The following TMEM132E variants were observed in gnomAD, a reference collection of about 807,000 sequenced individuals.
TMEM132E encodes the protein transmembrane protein 132E.
Under a neutral mutation model 78.5 loss-of-function variants are expected in TMEM132E, and 49 were observed. The observed-to-expected ratio is 0.62, with a 90% CI of 0.50 to 0.79. The LOEUF (loss-of-function observed/expected upper bound fraction) is 0.79, where lower values mean the gene tolerates loss of function less well. TMEM132E is among the 30% of genes least tolerant of loss of function. The pLI is 0.00. For synonymous variants in TMEM132E, 715 were observed against 670.6 expected (o/e 1.07, Z -1.02); for missense variants, 1,403 against 1,470.9 (o/e 0.95, Z 0.75).
intron 2 of TMEM132E, among the ~76,000 whole-genome samples, chr17:34,627,467 C>CGTGTGCGTGTGT (rs146318983): frequency 1.6e-5 from 2 of 126,470 alleles, no homozygotes; most frequent in African/African-American, 6.0e-5. Flanking sequence ...CCAAAAGAAT[C>CGTGTGCGTGTGT]GTGTGTGTGT....
intron 6 of TMEM132E, among the ~76,000 whole-genome samples, chr17:34,634,212 A>G (rs921121742): frequency 1.3e-5 from 2 of 152,232 alleles, no homozygotes; most frequent in African/African-American, 4.8e-5. Flanking sequence ...GCACAGGCTG[A>G]GAATTTCCCA....
rs897587816 is a variant in TMEM132E, at chr17:34,623,978, G to A, written c.68-2149G>A. Among the ~76,000 whole-genome samples the A allele has an allele frequency of 2.6e-5, 4 of 152,248 alleles. 1 individual carries two copies. Among genetic ancestry groups the A allele is most frequent in the Middle Eastern group, 6.8e-3 (2 of 294 alleles). On this transcript the variant is annotated intron_variant, in intron 1 of 8. Coordinates refer to ENST00000631683, the MANE Select transcript of TMEM132E (RefSeq NM_001304438.2). ...CCATCAGCTCCCAGCATTTCTTGCC[G>A]GTGATTTCCCCAGTTGGTCCTAAGG... is the stretch of plus-strand genomic sequence containing the variant.
intron 1 of TMEM132E, among the ~76,000 whole-genome samples, chr17:34,599,315 C>CTAATGCTGCTCAACCCCCACTGT (rs1906157748): frequency 6.6e-6 from 1 of 152,206 alleles, no homozygotes; most frequent in Non-Finnish European, 1.5e-5. Context: ...GGGGCACCTG[C>CTAATGCTGCTCAACCCCCACTGT]TAATGCTGCT....
rs1479037665 is a variant in TMEM132E at position 34,580,251 on chromosome 17, A to C, written c.-826A>C. The C allele has an allele frequency of 6.6e-6, 1 of 152,224 alleles. No homozygotes were observed. Among genetic ancestry groups the C allele is most frequent in the Non-Finnish European group, 1.5e-5 (1 of 68,088 alleles). The allele number at this position is 152,224 out of a possible 1,614,324, so 9.4% of individuals were successfully genotyped here. A position where few individuals can be genotyped will look rare whatever the true frequency, so the allele number is the denominator to read the frequency against. ...CCTCGCTTCTCCAAGCCCCATCTAC[A>C]TGGGGCAGCCCGTTCTGGCCGCGCC... On this transcript the variant is annotated 5_prime_UTR_variant, in exon 1 of 9. The change abolishes an upstream ATG in the 5' untranslated region. Coordinates refer to ENST00000631683, the MANE Select transcript of TMEM132E (RefSeq NM_001304438.2).
rs764136226 is a variant in TMEM132E, at chr17:34,632,907, G to A, written c.1686G>A (p.Arg562=). Residue 562 remains arginine, a splice_region_variant and synonymous_variant, in exon 6 of 9, where the codon CGG becomes CGA. Coordinates refer to ENST00000631683, the MANE Select transcript of TMEM132E (RefSeq NM_001304438.2). ...KGWRVPILPD[R]RSVRESEDED... is the part of the protein sequence containing the mutation. ...GGAGGGTACCTATCCTCCCCGACCG[G>A]AGGTACAGCCCCTCTCCCATGGCGG... 1 of 1,614,122 alleles carries A rather than the reference G, an allele frequency of 6.2e-7. No homozygotes were observed. Among genetic ancestry groups the A allele is most frequent in the South Asian group, 1.1e-5 (1 of 91,078 alleles).
intron 1 of TMEM132E, among the ~76,000 whole-genome samples, chr17:34,604,563 C>T (rs951980612): frequency 6.6e-6 from 1 of 152,088 alleles, no homozygotes; most frequent in East Asian, 1.9e-4. Context: ...TCTCCCTCCA[C>T]ACATGTGCGC....
Position 34,626,954 on chromosome 17 carries a change from C to T in TMEM132E, c.895C>T (p.Pro299Ser). ...GGACAGCAACCTGATGATCCGCCTG[C>T]CAGACCGGCCCCTCAAGCCCGGGGA... Reference protein sequence around the residue: ...RLDSNLMIRLPDRPLKPGEVL... With the variant: ...RLDSNLMIRLSDRPLKPGEVL... The change falls in exon 2 of 9, where the codon CCA (proline) becomes TCA (serine). Residue 299 changes from proline (P) to serine (S), a missense_variant. Coordinates refer to ENST00000631683, the MANE Select transcript of TMEM132E (RefSeq NM_001304438.2). The T allele has an allele frequency of 6.2e-7, 1 of 1,613,912 alleles. No homozygotes were observed. Among genetic ancestry groups the T allele is most frequent in the Non-Finnish European group, 8.5e-7 (1 of 1,180,028 alleles).
chr17:34,592,072 T>C (rs1289608613), intron 1 of TMEM132E, among the ~76,000 whole-genome samples: 1 of 152,242 alleles, frequency 6.6e-6, no homozygotes, highest in Non-Finnish European at 1.5e-5. Flanking sequence ...TGCCAAAGAC[T>C]TCCCGGAGAG....
chr17:34,588,112 C>T (rs1196489179), intron 1 of TMEM132E, among the ~76,000 whole-genome samples: 1 of 152,178 alleles, frequency 6.6e-6, no homozygotes, highest in Non-Finnish European at 1.5e-5. Context: ...CTTTCAGTCC[C>T]TCGAATAAGT....
chr17:34,622,803 G>A (rs59879027), intron 1 of TMEM132E, among the ~76,000 whole-genome samples: 2,967 of 152,326 alleles, frequency 0.019, 94 homozygotes, highest in African/African-American at 0.068. Context: ...CTGTGCCCCT[G>A]TGGAACTTAA....
In TMEM132E at chr17:34,626,743, G is replaced by T; in HGVS notation, c.684G>T (p.Gln228His). 7.2e-7 allele frequency: 1 copy of T among 1,381,984 alleles called. No homozygotes were observed. The highest frequency in any genetic ancestry group is 9.5e-7 in the Non-Finnish European group (1 of 1,049,120). 85.6% of individuals were successfully genotyped at this position (1,381,984 alleles called of 1,614,324 possible). Residue 228 changes from glutamine (Q) to histidine (H), a missense_variant, in exon 2 of 9, where the codon CAG (glutamine) becomes CAT (histidine). By Grantham distance (24) the Gln-to-His change is conservative. Around this residue, in one of 3 missense-constraint regions of TMEM132E, gnomAD observed 511 missense variants for 499.0 expected, o/e 1.02. Transcript: ENST00000631683. The stretch of plus-strand genomic sequence containing the variant: ...AGCCCGAGGCGACGGGGGAGAGCCA[G>T]CAGGCCGAGCTCTACTACACGCTCC... ...GLEPEATGES[Q>H]QAELYYTLHA... is the part of the protein sequence containing the mutation.
rs1294765295 is a variant in TMEM132E at position 34,626,851 on chromosome 17, C to T, written c.792C>T (p.Thr264=). The T allele has an allele frequency of 6.3e-7, 1 of 1,599,200 alleles. No individual in the cohort carries two copies. Among genetic ancestry groups the T allele is most frequent in the East Asian group, 2.3e-5 (1 of 44,334 alleles). The part of the protein sequence containing the change: ...PGVGARAESP[T]QHPLLRIGSI... The stretch of plus-strand genomic sequence containing the variant: ...TGGGGGCCCGAGCGGAAAGCCCTAC[C>T]CAGCACCCCCTGCTGCGCATCGGGA... The change falls in exon 2 of 9, where the codon ACC becomes ACT. Residue 264 remains threonine, a synonymous_variant. Coordinates refer to ENST00000631683, the MANE Select transcript of TMEM132E (RefSeq NM_001304438.2).
In TMEM132E at chr17:34,630,033, T is replaced by C; in HGVS notation, c.1364T>C (p.Ile455Thr). ...AMDTEIINTA[I>T]LTGRTVAIPV... ...GACACAGAGATCATCAACACGGCCA[T>C]TCTGACTGGCCGGACAGTGGCCATC... Residue 455 changes from isoleucine (I) to threonine (T), a missense_variant, in exon 5 of 9, where the codon ATT becomes ACT. Ile to Thr is a moderately conservative substitution (Grantham distance 89, BLOSUM62 -1). Transcript: ENST00000631683. 6.2e-7 allele frequency: 1 copy of C among 1,612,094 alleles called. No individual in the cohort carries two copies. The highest frequency in any genetic ancestry group is 8.5e-7 in the Non-Finnish European group (1 of 1,178,488).
At chr17:34,635,861 G>A in intron 7 of TMEM132E, 146 bp from the exon 8 acceptor site, 1 of 734,648 alleles carries the variant, frequency 1.4e-6, no homozygotes, top group Non-Finnish European at 2.0e-6. Context: ...CAGACCTGAG[G>A]CAGAGCTGCG....
intron 1 of TMEM132E, among the ~76,000 whole-genome samples, chr17:34,605,248 A>C (rs906922314): frequency 3.9e-5 from 6 of 152,142 alleles, no homozygotes; most frequent in African/African-American, 1.4e-4. Flanking sequence ...ATCGTGTAAT[A>C]AGTGAGGCTC....
intron 1 of TMEM132E, among the ~76,000 whole-genome samples, chr17:34,606,877 G>GCTCTCTC (rs1406730045): frequency 6.6e-6 from 1 of 152,070 alleles, no homozygotes; most frequent in Non-Finnish European, 1.5e-5. Context: ...CCACTCACTC[G>GCTCTCTC]CTCTCTCTCT....
At position 34,634,793 on chromosome 17, in the gene TMEM132E, C is replaced by T. The variant is rs1370527066; in HGVS notation, c.1689-6C>T. ...AAGCCTTCAGCATGGCATGTCCCCACCCCAGGTCAGTCCGGGAAAGCGAGG... is the reference window on the plus strand; with the variant it reads ...AAGCCTTCAGCATGGCATGTCCCCATCCCAGGTCAGTCCGGGAAAGCGAGG... On this transcript the variant is annotated splice_polypyrimidine_tract_variant and splice_region_variant and intron_variant, in intron 6 of 8. Coordinates refer to ENST00000631683, the MANE Select transcript of TMEM132E (RefSeq NM_001304438.2). 1.2e-6 allele frequency: 2 copies of T among 1,609,220 alleles called. No homozygotes were observed. Among genetic ancestry groups the T allele is most frequent in the Non-Finnish European group, 1.7e-6 (2 of 1,177,682 alleles).
chr17:34,610,475 A>G (rs1211276448), intron 1 of TMEM132E, among the ~76,000 whole-genome samples: 1 of 152,234 alleles, frequency 6.6e-6, no homozygotes, highest in East Asian at 1.9e-4. Flanking sequence ...GAGAAAAAAT[A>G]CAGAATGACA....
chr17:34,588,493 C>T lies in TMEM132E; in HGVS notation c.67+7350C>T, dbSNP rs1646445816. 2.0e-5 allele frequency among the ~76,000 whole-genome samples: 3 copies of T among 152,214 alleles called. No individual in the cohort carries two copies. In the South Asian group the frequency reaches 6.2e-4, roughly 32 times the overall value. ...ATGAATCATTGTGCACATACAGGCA[C>T]ACAGAGACGTTGTCACTCAACAAGT... is the stretch of plus-strand genomic sequence containing the variant. On this transcript the variant is annotated intron_variant, in intron 1 of 8. Transcript: ENST00000631683.
Sources: allele counts gnomAD v4.1 joint callset (sites outside exome capture counted in the v4.1 genomes callset), GRCh38; gene constraint gnomAD v4.1.1; regional missense constraint gnomAD v4.1.1; transcripts MANE v1.5; gene names NCBI Gene and HGNC (gene_info 2026-07-23, HGNC 2026-07-21).